Variants in COX15 observed in about 807,000 individuals in gnomAD.
COX15 encodes the protein heme A synthase COX15.
Under a neutral mutation model 51.9 loss-of-function variants are expected in COX15, and 51 were observed. The observed-to-expected ratio is 0.98, with a 90% CI of 0.78 to 1.24. The LOEUF is 1.24. Among genes scored for constraint, COX15 ranks in the 50% most tolerant of loss-of-function variants. COX15 has a pLI of 0.00. For synonymous variants in COX15, 188 were observed against 190.5 expected, an observed-to-expected ratio of 0.99 and a Z score of 0.11; for missense variants, 420 against 501.1, an observed-to-expected ratio of 0.84 and a Z score of 1.55.
chr10:99,702,282 A>G, the COX15 span, among the ~76,000 whole-genome samples: 4 of 152,044 alleles, frequency 2.6e-5, no homozygotes, highest in African/African-American at 9.7e-5. Context: ...GAAGATAGGG[A>G]CTCTTAAAAA....
At position 99,726,427 on chromosome 10, in the gene COX15, TG is replaced by T. The variant is rs2036951331; in HGVS notation, c.582+540del. 2.6e-5 allele frequency among the ~76,000 whole-genome samples: 4 copies of T among 152,220 alleles called. No individual in the cohort carries two copies. In the South Asian group the frequency reaches 8.3e-4, roughly 32 times the overall value. On this transcript the variant is annotated intron_variant, in intron 4 of 8. Transcript: ENST00000016171. ...TTAATATTTACACGACTGTACATGG[TG>T]GCACTGTTATTATCCCCATTTACAG... is the stretch of plus-strand genomic sequence containing the variant.
At position 99,724,095 on chromosome 10, in the gene COX15, C is replaced by CT; in HGVS notation, c.610dup (p.Ser204LysfsTer11). The CT allele has an allele frequency of 1.2e-6, 2 of 1,614,148 alleles. No individual in the cohort carries two copies. Among genetic ancestry groups the CT allele is most frequent in the Middle Eastern group, 3.3e-4 (2 of 6,052 alleles). ...GGAGTCTGATTTTTCTTCTAGTCCA[C>CT]TTTTCACCATATACCATCCCAACAG... On this transcript the variant is annotated frameshift_variant, in exon 5 of 9. Transcript: ENST00000016171. LOFTEE classifies it high-confidence loss of function.
chr10:99,702,770 A>T, the COX15 span: 2 of 1,216,420 alleles, frequency 1.6e-6, no homozygotes, highest in South Asian at 3.7e-5. Context: ...ACCAGCTTAG[A>T]ATAGGTCTTA....
intron 8 of COX15, among the ~76,000 whole-genome samples, chr10:99,715,985 CCT>C (rs2036557773): frequency 1.3e-5 from 1 of 79,862 alleles, no homozygotes; most frequent in African/African-American, 4.3e-5. Context: ...TGTCACCTTT[CCT>C]TTTTTTTTTT....
In COX15 at chr10:99,732,036, A is replaced by G. The variant is rs752622147; in HGVS notation, c.14T>C (p.Leu5Pro). The change falls in exon 1 of 9, where the codon CTC becomes CCC. Residue 5 changes from leucine (L) to proline (P), a missense_variant. Coordinates refer to ENST00000016171, the MANE Select transcript of COX15 (RefSeq NM_078470.6). MQRLLFPPLRALKGR... is the reference protein window; with the variant it reads MQRLPFPPLRALKGR... Reference sequence around the variant, plus strand: ...CTTCAAGGCCCTCAACGGCGGAAAGAGCAATCGCTGCATACTGATGACAGG... The same window carrying G: ...CTTCAAGGCCCTCAACGGCGGAAAGGGCAATCGCTGCATACTGATGACAGG... 4.3e-6 allele frequency: 7 copies of G among 1,613,058 alleles called. No individual in the cohort carries two copies. In the South Asian group the frequency reaches 6.6e-5, roughly 15 times the overall value.
In COX15 at chr10:99,711,942, G is replaced by A; in HGVS notation, c.*2645C>T. On this transcript the variant is annotated 3_prime_UTR_variant, in exon 9 of 9. Transcript: ENST00000016171. Reference sequence around the variant, plus strand: ...CTGCTTCTGGTGAGGGCCTCACGAAGCTTACAATCATGGCAGAAGGTGAAG... The same window carrying A: ...CTGCTTCTGGTGAGGGCCTCACGAAACTTACAATCATGGCAGAAGGTGAAG... 1.1e-5 allele frequency: 6 copies of A among 536,694 alleles called. No homozygotes were observed. The highest frequency in any genetic ancestry group is 1.4e-5 in the Non-Finnish European group (6 of 419,746). 33.2% of individuals were successfully genotyped at this position (536,694 alleles called of 1,614,324 possible). A position where few individuals can be genotyped will look rare whatever the true frequency, so the allele number is the denominator to read the frequency against.
At chr10:99,699,711 C>T in the COX15 span, among the ~76,000 whole-genome samples, 1 of 152,078 alleles carries the variant, frequency 6.6e-6, no homozygotes, top group East Asian at 1.9e-4. Flanking sequence ...ATTACAGATG[C>T]CCACCACCAT....
At chr10:99,727,670 A>T (rs2037004686) in intron 2 of COX15, 107 bp from the exon 3 acceptor site, 1 of 1,326,470 alleles carries the variant, frequency 7.5e-7, no homozygotes, top group Non-Finnish European at 1.1e-6. Context: ...AGGTAAACAC[A>T]TTGTTTCCTT....
chr10:99,731,910 T>A (rs1450255110), intron 1 of COX15, 50 bp downstream of exon 1: 5 of 1,564,682 alleles, frequency 3.2e-6, no homozygotes, highest in Non-Finnish European at 4.3e-6. Context: ...ATCCCGGCCC[T>A]TTCACTCCAT....
chr10:99,710,563 A>T, downstream of COX15: 1 of 985,446 alleles, frequency 1.0e-6, no homozygotes, highest in Non-Finnish European at 1.2e-6. Context: ...TTGAATTCTT[A>T]AAATTCTCAC....
chr10:99,706,917 T>C (rs1008561884), downstream of COX15, among the ~76,000 whole-genome samples: 1 of 152,228 alleles, frequency 6.6e-6, no homozygotes, highest in Non-Finnish European at 1.5e-5. Context: ...ATCATGTTCA[T>C]GTGCTAAAAA....
chr10:99,702,753 T>A, the COX15 span: 3 of 1,375,102 alleles, frequency 2.2e-6, no homozygotes, highest in Non-Finnish European at 2.9e-6. Flanking sequence ...CTTTCTTTTT[T>A]TTTTTAACCA....
the COX15 span, chr10:99,700,904 G>A: frequency 1.3e-4 from 171 of 1,274,060 alleles, no homozygotes; most frequent in Non-Finnish European, 1.9e-4. Context: ...TGGAACAGCT[G>A]TGACTGTGGG....
At position 99,727,231 on chromosome 10, in the gene COX15, C is replaced by T. The variant is rs529690822; in HGVS notation, c.396-77G>A. The T allele has an allele frequency of 2.1e-4, 332 of 1,546,922 alleles. 4 individuals carry two copies. In the South Asian group the frequency reaches 2.7e-3, roughly 13 times the overall value. ...TTTTATTTTCTTACGGAATGCAAAA[C>T]CTTTCTTTCTCAGTCCTGCAACTTG... On this transcript the variant is annotated intron_variant, in intron 3 of 8. Transcript: ENST00000016171.
chr10:99,710,685 A>G, downstream of COX15: 8 of 985,404 alleles, frequency 8.1e-6, no homozygotes, highest in Non-Finnish European at 9.6e-6. Context: ...GCTGATATAT[A>G]ACCCACCATT....
In COX15 at chr10:99,716,778, TTATCCC is replaced by T. The variant is rs140641170; in HGVS notation, c.988-323_988-318del. On this transcript the variant is annotated intron_variant, in intron 7 of 8. Coordinates refer to ENST00000016171, the MANE Select transcript of COX15 (RefSeq NM_078470.6). ...CCCTCATTTTTAATTCTTTGCATCC[TTATCCC>T]TAACCATATCTCTAATCCTATATTC... 580 of 330,526 alleles carry T rather than the reference TTATCCC, an allele frequency of 1.8e-3. 3 individuals carry two copies. Among genetic ancestry groups the T allele is most frequent in the African/African-American group, 0.011 (526 of 47,004 alleles). The allele number at this position is 330,526 out of a possible 1,614,324, so 20.5% of individuals were successfully genotyped here.
chr10:99,696,910 C>G, the COX15 span, among the ~76,000 whole-genome samples: 1 of 152,004 alleles, frequency 6.6e-6, no homozygotes, highest in African/African-American at 2.4e-5. Context: ...GAGGGTCTAG[C>G]CTAGGTAACC....
At position 99,711,459 on chromosome 10, in the gene COX15, C is replaced by G. The variant is rs2036382989; in HGVS notation, c.*3128G>C. 1 of 984,616 alleles carries G rather than the reference C, an allele frequency of 1.0e-6. No individual in the cohort carries two copies. Among genetic ancestry groups the G allele is most frequent in the African/African-American group, 1.7e-5 (1 of 57,162 alleles). The allele number at this position is 984,616 out of a possible 1,614,324, so 61.0% of individuals were successfully genotyped here. On this transcript the variant is annotated 3_prime_UTR_variant, in exon 9 of 9. Transcript: ENST00000016171. ...GAAGAGACCATATCCTACTAACATA[C>G]TAATAGGAGCAACATAGCAGATCAA... is the stretch of plus-strand genomic sequence containing the variant.
At chr10:99,704,476 A>T in the COX15 span, 2 of 1,614,242 alleles carry the variant, frequency 1.2e-6, no homozygotes, top group South Asian at 2.2e-5. Context: ...AAGGTGTCCG[A>T]CAAGCCCATG....
Sources: allele counts gnomAD v4.1 joint callset (sites outside exome capture counted in the v4.1 genomes callset), GRCh38; gene constraint gnomAD v4.1.1; transcripts MANE v1.5; gene names NCBI Gene and HGNC (gene_info 2026-07-23, HGNC 2026-07-21).